Variants in SLC6A20 observed in about 807,000 individuals in gnomAD.
SLC6A20 encodes solute carrier family 6 member 20.
Under a neutral mutation model 64.3 loss-of-function variants are expected in SLC6A20, and 73 were observed. The observed-to-expected ratio is 1.14, with a 90% CI of 0.94 to 1.38. The LOEUF is 1.38. Ranked by LOEUF, SLC6A20 falls within the 40% of genes most tolerant of loss-of-function variation. The pLI, the probability that SLC6A20 is intolerant of heterozygous loss-of-function variation, is 0.00. For missense variants in SLC6A20, 725 were observed against 772.8 expected, an observed-to-expected ratio of 0.94 and a Z score of 0.73; for synonymous variants, 347 against 329.6, an observed-to-expected ratio of 1.05 and a Z score of -0.57.
rs185498273 is a variant in SLC6A20 at position 45,774,997 on chromosome 3, T to G, written c.582+764A>C. On this transcript the variant is annotated intron_variant, in intron 4 of 10. Coordinates refer to ENST00000358525, the MANE Select transcript of SLC6A20 (RefSeq NM_020208.4). ...GTGGGTCTACTGTGAGAAGTGACAG[T>G]GAATGAGACAGGGTGTGCTAGGCTC... 7.2e-5 allele frequency among the ~76,000 whole-genome samples: 11 copies of G among 152,226 alleles called. No homozygotes were observed. The East Asian group carries it at 2.1e-3, about 29-fold the overall frequency.
In SLC6A20 at chr3:45,759,086, A is replaced by T; in HGVS notation, c.1671T>A (p.Ala557=). ...AGGAGGCCACAAGCAGCCCGATGAC[A>T]GCCAGTGCATAGGCCGGGTAATCTT... ...VTKDYPAYAL[A]VIGLLVASST... The change falls in exon 11 of 11, where the codon GCT becomes GCA. Residue 557 remains alanine, a synonymous_variant. Coordinates refer to ENST00000358525, the MANE Select transcript of SLC6A20 (RefSeq NM_020208.4). 3 of 1,612,854 alleles carry T rather than the reference A, an allele frequency of 1.9e-6. No individual in the cohort carries two copies. The highest frequency in any genetic ancestry group is 2.5e-6 in the Non-Finnish European group (3 of 1,179,690).
chr3:45,767,288 C>T (rs1378093996), intron 7 of SLC6A20, among the ~76,000 whole-genome samples: 3 of 152,070 alleles, frequency 2.0e-5, no homozygotes, highest in East Asian at 1.9e-4. Context: ...GAAACAGTTA[C>T]GTATGAAATG....
chr3:45,768,620 A>G (rs1160983365), intron 7 of SLC6A20, among the ~76,000 whole-genome samples: 2 of 152,202 alleles, frequency 1.3e-5, no homozygotes, highest in African/African-American at 4.8e-5. Flanking sequence ...GCTAGGGCTG[A>G]ACAACCAGGA....
chr3:45,775,675 C>T lies in SLC6A20; in HGVS notation c.582+86G>A, dbSNP rs372018383. 3.2e-5 allele frequency: 43 copies of T among 1,338,086 alleles called. No homozygotes were observed. The Middle Eastern group carries it at 6.9e-4, about 21-fold the overall frequency. The allele number at this position is 1,338,086 out of a possible 1,614,324, so 82.9% of individuals were successfully genotyped here. A position where few individuals can be genotyped will look rare whatever the true frequency, so the allele number is the denominator to read the frequency against. On this transcript the variant is annotated intron_variant, in intron 4 of 10. Transcript: ENST00000358525. ...TGCAGAGGGCACTCCCTTGGCATTG[C>T]CTAGGGTTGGAGACAGAGGCAGCTG...
rs562639678 is a variant in SLC6A20 at position 45,759,905 on chromosome 3, G to T, written c.1581C>A (p.Asp527Glu). Residue 527 changes from aspartate to glutamate, a missense_variant, in exon 10 of 11, where the codon GAC becomes GAA. Physicochemically the swap from Asp to Glu is conservative, Grantham distance 45. Transcript: ENST00000358525. ...ACTTCAGGGTCCCCGTGAGGATGTA[G>T]TCGCTCAGGTAGAAGACAAAGAGGC... ...IVSLFVFYLS[D>E]YILTGTLKYQ... The T allele has an allele frequency of 6.2e-7, 1 of 1,614,190 alleles. No homozygotes were observed. Among genetic ancestry groups the T allele is most frequent in the Admixed American group, 1.7e-5 (1 of 60,024 alleles).
chr3:45,771,080 G>A, intron 6 of SLC6A20, 137 bp downstream of exon 6: 1 of 1,262,468 alleles, frequency 7.9e-7, no homozygotes, highest in Non-Finnish European at 1.1e-6. Context: ...GCAACTGGTG[G>A]TGGTGTAGGG....
intron 10 of SLC6A20, 122 bp downstream of exon 10, chr3:45,759,735 C>T: frequency 8.0e-7 from 1 of 1,254,000 alleles, no homozygotes; most frequent in Non-Finnish European, 1.1e-6. Flanking sequence ...GTGATATTTC[C>T]ATGTCGTGAC....
intron 7 of SLC6A20, among the ~76,000 whole-genome samples, chr3:45,767,113 A>C (rs1213827304): frequency 6.6e-6 from 1 of 152,252 alleles, no homozygotes; most frequent in African/African-American, 2.4e-5. Context: ...TACTGAAAAT[A>C]GTTGGCTTTA....
intron 7 of SLC6A20, among the ~76,000 whole-genome samples, chr3:45,767,961 T>C (rs1699802309): frequency 6.6e-6 from 1 of 152,162 alleles, no homozygotes; most frequent in Non-Finnish European, 1.5e-5. Flanking sequence ...TAGAACAAAA[T>C]TTAAGAAAAC....
Position 45,767,343 on chromosome 3 carries a change from A to G in SLC6A20, c.1099-1602T>C, listed in dbSNP as rs55900503. On this transcript the variant is annotated intron_variant, in intron 7 of 10. Transcript: ENST00000358525. The stretch of plus-strand genomic sequence containing the variant: ...ACATTACAAAAATAAACATGTATCA[A>G]TAAACTATTGGGATGGACAAGTAAA... Among the ~76,000 whole-genome samples, 1,214 of 152,362 alleles carry G rather than the reference A, an allele frequency of 8.0e-3. 24 individuals carry two copies. The highest frequency in any genetic ancestry group is 0.027 in the African/African-American group (1,142 of 41,580).
chr3:45,787,162 A>C (rs1162612942), intron 1 of SLC6A20, among the ~76,000 whole-genome samples: 2 of 151,760 alleles, frequency 1.3e-5, no homozygotes. Flanking sequence ...CCCTCCCTTG[A>C]CCTCTGAGGC....
Position 45,771,957 on chromosome 3 carries a change from G to A in SLC6A20, c.694-499C>T, listed in dbSNP as rs111718085. On this transcript the variant is annotated intron_variant, in intron 5 of 10. Coordinates refer to ENST00000358525, the MANE Select transcript of SLC6A20 (RefSeq NM_020208.4). ...GACTCTCGGCACTGACATCGGTGGC[G>A]TCTGGAATGGGGAAGGGGAAGGATG... 107 of 175,552 alleles carry A rather than the reference G, an allele frequency of 6.1e-4. 3 individuals carry two copies. The South Asian group carries it at 0.015, about 25-fold the overall frequency. The allele number at this position is 175,552 out of a possible 1,614,324, so 10.9% of individuals were successfully genotyped here.
intron 2 of SLC6A20, among the ~76,000 whole-genome samples, chr3:45,780,562 T>C (rs535267608): frequency 6.6e-6 from 1 of 152,316 alleles, no homozygotes; most frequent in East Asian, 1.9e-4. Context: ...TTATGCTCCC[T>C]CCTTGGCTCA....
In SLC6A20 at chr3:45,756,126, T is replaced by C. The variant is rs1354695716; in HGVS notation, c.*2852A>G. 1.3e-5 allele frequency: 2 copies of C among 152,230 alleles called. No homozygotes were observed. Among genetic ancestry groups the C allele is most frequent in the African/African-American group, 4.8e-5 (2 of 41,434 alleles). The allele number at this position is 152,230 out of a possible 1,614,324, so 9.4% of individuals were successfully genotyped here. A position where few individuals can be genotyped will look rare whatever the true frequency, so the allele number is the denominator to read the frequency against. ...TGTGGGCATCTGGAGTTTTAAATGC[T>C]CCCAGGTGGTTGGAATGCGCTGCAA... On this transcript the variant is annotated 3_prime_UTR_variant, in exon 11 of 11. Coordinates refer to ENST00000358525, the MANE Select transcript of SLC6A20 (RefSeq NM_020208.4).
At chr3:45,766,847 C>T (rs144626041) in intron 7 of SLC6A20, among the ~76,000 whole-genome samples, 1 of 152,274 alleles carries the variant, frequency 6.6e-6, no homozygotes, top group African/African-American at 2.4e-5. Context: ...GAGACAAATT[C>T]CTGTTTTTTG....
rs559829925 is a variant in SLC6A20, at chr3:45,765,809, C to T, written c.1099-68G>A. ...TATAGTCTTATTCACGCACTCAGTACTAAGCAACATGGGGGACCTTGGAAG... is the reference window on the plus strand; with the variant it reads ...TATAGTCTTATTCACGCACTCAGTATTAAGCAACATGGGGGACCTTGGAAG... On this transcript the variant is annotated intron_variant, in intron 7 of 10. Coordinates refer to ENST00000358525, the MANE Select transcript of SLC6A20 (RefSeq NM_020208.4). The surrounding 1 kb of genome is among the most constrained non-coding windows in gnomAD (Gnocchi z 4.2). The T allele has an allele frequency of 9.7e-6, 15 of 1,553,954 alleles. No individual in the cohort carries two copies. The highest frequency in any genetic ancestry group is 1.2e-5 in the Non-Finnish European group (14 of 1,132,266).
At chr3:45,769,799 G>T (rs1467921923) in intron 7 of SLC6A20, among the ~76,000 whole-genome samples, 2 of 152,130 alleles carry the variant, frequency 1.3e-5, no homozygotes, top group Non-Finnish European at 2.9e-5. Flanking sequence ...CTTGCCTTTG[G>T]TGAGTAGGGA....
intron 6 of SLC6A20, among the ~76,000 whole-genome samples, chr3:45,770,837 G>A (rs766869085): frequency 6.6e-6 from 1 of 152,196 alleles, no homozygotes; most frequent in Non-Finnish European, 1.5e-5. Flanking sequence ...CTACCCAACT[G>A]GACAGCATAC....
chr3:45,780,747 C>A (rs1233036422), intron 2 of SLC6A20, among the ~76,000 whole-genome samples: 1 of 152,160 alleles, frequency 6.6e-6, no homozygotes, highest in Admixed American at 6.5e-5. Flanking sequence ...TGAGAACCAG[C>A]GTCCCCTCCT....
Sources: allele counts gnomAD v4.1 joint callset (sites outside exome capture counted in the v4.1 genomes callset), GRCh38; gene constraint gnomAD v4.1.1; non-coding constraint Gnocchi (gnomAD v3.1); transcripts MANE v1.5; gene names NCBI Gene and HGNC (gene_info 2026-07-23, HGNC 2026-07-21).